The following RANBP3 variants were observed in gnomAD, a reference collection of about 807,000 sequenced individuals.
RANBP3 encodes RAN binding protein 3.
In RANBP3, 14 loss-of-function variants were observed where a neutral mutation model predicts 77.3. The observed-to-expected ratio is 0.18, with a 90% CI of 0.12 to 0.28. RANBP3 has a LOEUF of 0.28. Ranked by LOEUF, RANBP3 falls within the 10% of genes least tolerant of loss-of-function variation. RANBP3 has a pLI of 1.00. For synonymous variants in RANBP3, 315 were observed against 312.4 expected (o/e 1.01, Z -0.09); for missense variants, 586 against 752.3 (o/e 0.78, Z 2.59).
rs550729921 is a variant in RANBP3 at position 5,924,616 on chromosome 19, G to A, written c.996+211C>T. On this transcript the variant is annotated intron_variant, in intron 11 of 16. Transcript: ENST00000340578. This position sits in a 1 kb window ranked among gnomAD's most constrained non-coding sequence, Gnocchi z 4.7. ...TGGCCCTGGTCAGCACGGAGGAGCC[G>A]GGAAAAGCGAATGCCAGTTCGTAGG... Among the ~76,000 whole-genome samples the A allele has an allele frequency of 2.6e-4, 39 of 152,366 alleles. No individual in the cohort carries two copies. Among genetic ancestry groups the A allele is most frequent in the African/African-American group, 7.0e-4 (29 of 41,588 alleles).
Position 5,933,536 on chromosome 19 carries a change from G to C in RANBP3, c.407-57C>G, listed in dbSNP as rs1243172592. 2.7e-6 allele frequency: 4 copies of C among 1,466,916 alleles called. No homozygotes were observed. In the African/African-American group the frequency reaches 4.2e-5, roughly 15 times the overall value. The allele number at this position is 1,466,916 out of a possible 1,614,324, so 90.9% of individuals were successfully genotyped here. ...GCCTGCCTGGGCTGGGGCTGGGCCT[G>C]GGGGGCAAGGGCAGGAGAGGACTAT... On this transcript the variant is annotated intron_variant, in intron 5 of 16. Transcript: ENST00000340578.
At chr19:5,927,263 C>T (rs2057924150) in intron 9 of RANBP3, among the ~76,000 whole-genome samples, 1 of 152,184 alleles carries the variant, frequency 6.6e-6, no homozygotes, top group Non-Finnish European at 1.5e-5. Context: ...GCCATCCCTT[C>T]CCCACCACAC....
rs1366212051 is a variant in RANBP3, at chr19:5,959,184, G to A, written c.23-1211C>T. On this transcript the variant is annotated intron_variant, in intron 1 of 16. Coordinates refer to ENST00000340578, the MANE Select transcript of RANBP3 (RefSeq NM_007322.3). The surrounding 1 kb of genome is among the most constrained non-coding windows in gnomAD (Gnocchi z 5.1). ...CGGGGTGATGGGGCCAGGGGCAGGC[G>A]GTGGGCATGCTGACTTGCTGGGGAA... Among the ~76,000 whole-genome samples the A allele has an allele frequency of 1.3e-5, 2 of 152,178 alleles. No homozygotes were observed. Among genetic ancestry groups the A allele is most frequent in the East Asian group, 1.9e-4 (1 of 5,192 alleles).
intron 8 of RANBP3, among the ~76,000 whole-genome samples, chr19:5,930,554 T>C (rs2057974988): frequency 6.6e-6 from 1 of 152,170 alleles, no homozygotes; most frequent in African/African-American, 2.4e-5. Context: ...ATCCAAACCA[T>C]ACCCCCGCTT....
chr19:5,976,451 A>G (rs1380269002), intron 1 of RANBP3: 1 of 152,228 alleles, frequency 6.6e-6, no homozygotes, highest in African/African-American at 2.4e-5. Flanking sequence ...TATCTTAAAA[A>G]AAGAGATGTA....
At chr19:5,923,721 CT>C in intron 12 of RANBP3, 90 bp downstream of exon 12, 1 of 1,056,728 alleles carries the variant, frequency 9.5e-7, no homozygotes, top group South Asian at 1.4e-5. Flanking sequence ...AGTCGGGCCC[CT>C]TATCCCTCCC....
In RANBP3 at chr19:5,944,002, T is replaced by TTTTCTACGGGTTTCTAAGG. The variant is rs563037605; in HGVS notation, c.283-2168_283-2167insCCTTAGAAACCCGTAGAAA. ...AACTCAGTGTATTCCGGCTCTGCCA[T>TTTTCTACGGGTTTCTAAGG]TTTCTACGGGTGAAACCTTACCTTG... On this transcript the variant is annotated intron_variant, in intron 3 of 16. Coordinates refer to ENST00000340578, the MANE Select transcript of RANBP3 (RefSeq NM_007322.3). Among the ~76,000 whole-genome samples the TTTTCTACGGGTTTCTAAGG allele has an allele frequency of 2.4e-3, 373 of 152,294 alleles. 2 individuals carry two copies. The highest frequency in any genetic ancestry group is 8.6e-3 in the African/African-American group (357 of 41,562).
At chr19:5,966,437 G>C (rs1320883568) in intron 1 of RANBP3, among the ~76,000 whole-genome samples, 2 of 152,330 alleles carry the variant, frequency 1.3e-5, no homozygotes, top group Middle Eastern at 3.4e-3. Flanking sequence ...GCTGCTTTCT[G>C]TCTTCATCTG....
At chr19:5,940,312 G>A (rs573928750) in intron 5 of RANBP3, among the ~76,000 whole-genome samples, 14 of 152,306 alleles carry the variant, frequency 9.2e-5, no homozygotes, top group South Asian at 6.2e-4. Flanking sequence ...GGGCAGTGAG[G>A]GGGAAGGAAT....
chr19:5,918,782 A>C, intron 14 of RANBP3, 144 bp from the exon 15 acceptor site: 2 of 1,061,694 alleles, frequency 1.9e-6, no homozygotes, highest in Non-Finnish European at 2.7e-6. Context: ...CCACAGAGCA[A>C]GACTTCTCCC....
chr19:5,917,534 C>CGGTGGGGTGGGGGCG lies in RANBP3; in HGVS notation c.*61_*75dup. The CGGTGGGGTGGGGGCG allele has an allele frequency of 6.7e-6, 9 of 1,346,804 alleles. No homozygotes were observed. Among genetic ancestry groups the CGGTGGGGTGGGGGCG allele is most frequent in the Non-Finnish European group, 8.7e-6 (9 of 1,032,688 alleles). The allele number at this position is 1,346,804 out of a possible 1,614,324, so 83.4% of individuals were successfully genotyped here. On this transcript the variant is annotated 3_prime_UTR_variant, in exon 17 of 17. Coordinates refer to ENST00000340578, the MANE Select transcript of RANBP3 (RefSeq NM_007322.3). ...TCCCGGCCCCGCACCTGGACGCTGC[C>CGGTGGGGTGGGGGCG]GGTGGGGTGGGGGCGGGTGGGCGGG...
chr19:5,925,525 G>T, intron 10 of RANBP3, 109 bp downstream of exon 10: 2 of 947,010 alleles, frequency 2.1e-6, no homozygotes, highest in Non-Finnish European at 3.3e-6. Context: ...GAGCAACCTG[G>T]ATTCTGGGCC....
At chr19:5,974,441 G>A (rs966060066) in intron 1 of RANBP3, 1 of 152,196 alleles carries the variant, frequency 6.6e-6, no homozygotes, top group African/African-American at 2.4e-5. Flanking sequence ...CCTAGAGACA[G>A]GATGAGTAAT....
Position 5,933,466 on chromosome 19 carries a change from A to T in RANBP3, c.420T>A (p.Ser140Arg), listed in dbSNP as rs2058023006. The part of the protein sequence containing the change: ...FPPSQSEERS[S>R]GFRLKPPTLI... ...GCGTTGGTGGCTTCAACCGGAAGCC[A>T]CTGCTCCTTTCCTCTAAAAGCACAA... Residue 140 changes from serine (S) to arginine (R), a missense_variant, in exon 6 of 17, where the codon AGT (serine) becomes AGA (arginine). Physicochemically the swap from Ser to Arg is moderately radical, Grantham distance 110 (BLOSUM62 -1). This residue lies in a region of RANBP3 where 172 missense variants were observed against 183.4 expected (regional missense o/e 0.94). Coordinates refer to ENST00000340578, the MANE Select transcript of RANBP3 (RefSeq NM_007322.3). 1.9e-6 allele frequency: 3 copies of T among 1,613,392 alleles called. No individual in the cohort carries two copies. Among genetic ancestry groups the T allele is most frequent in the Non-Finnish European group, 1.7e-6 (2 of 1,179,816 alleles).
chr19:5,923,312 T>C lies in RANBP3; in HGVS notation c.1100-9A>G. The C allele has an allele frequency of 6.2e-7, 1 of 1,613,038 alleles. No individual in the cohort carries two copies. The highest frequency in any genetic ancestry group is 8.5e-7 in the Non-Finnish European group (1 of 1,179,072). On this transcript the variant is annotated splice_polypyrimidine_tract_variant and intron_variant, in intron 12 of 16. Transcript: ENST00000340578. The stretch of plus-strand genomic sequence containing the variant: ...CGACTCAGCCAGGGACTCTGAAAAG[T>C]TATTGGCCAAAAAGACTGACTGATT...
intron 8 of RANBP3, among the ~76,000 whole-genome samples, chr19:5,929,286 G>T (rs2057955704): frequency 6.6e-6 from 1 of 152,216 alleles, no homozygotes; most frequent in South Asian, 2.1e-4. Context: ...CGTGTTTGGC[G>T]ACCTGGAAGT....
rs565615011 is a variant in RANBP3, at chr19:5,917,828, G to A, written c.1626C>T (p.Asp542=). 1.4e-4 allele frequency: 219 copies of A among 1,612,202 alleles called. 3 individuals are homozygous for A. Among genetic ancestry groups the A allele is most frequent in the South Asian group, 1.2e-3 (107 of 90,976 alleles). ...TGGCCCCTGAAGGAGCCAGGACATC[G>A]TCATCGTCGCTGTCGTCCTCCTCGT... ...PSNEEDDSDD[D]DVLAPSGATA... is the part of the protein sequence containing the mutation. Residue 542 remains aspartate (D), a synonymous_variant, in exon 16 of 17, where the codon GAC becomes GAT. Transcript: ENST00000340578.
At chr19:5,977,083 C>G (rs1400572905) in intron 1 of RANBP3, among the ~76,000 whole-genome samples, 1 of 152,344 alleles carries the variant, frequency 6.6e-6, no homozygotes, top group Non-Finnish European at 1.5e-5. Flanking sequence ...CCAAGCACTT[C>G]CTATCATCAT....
chr19:5,941,908 A>G (rs2058142730), intron 3 of RANBP3, 73 bp from the exon 4 acceptor site: 2 of 1,559,672 alleles, frequency 1.3e-6, no homozygotes, highest in African/African-American at 1.4e-5. Flanking sequence ...TCGGGGCCGT[A>G]ACAAATATCC....
Sources: gnomAD v4.1 joint callset for allele counts (sites outside exome capture counted in the v4.1 genomes callset) on GRCh38, gnomAD v4.1.1 for gene constraint, gnomAD v4.1.1 regional missense constraint, Gnocchi (gnomAD v3.1) non-coding constraint, MANE v1.5 for transcripts, NCBI Gene and HGNC (gene_info 2026-07-23, HGNC 2026-07-21) for gene names.